The following FAM117A variants were observed in gnomAD, a reference collection of about 807,000 sequenced individuals.
FAM117A encodes the protein family with sequence similarity 117 member A, also known as protein FAM117A.
FAM117A carries 21 observed loss-of-function variants against 44.1 expected under a neutral mutation model. That is an observed-to-expected ratio of 0.48 (90% CI 0.34 to 0.69). FAM117A has a LOEUF of 0.69. Ranked by LOEUF, FAM117A falls within the 30% of genes least tolerant of loss-of-function variation. The probability of loss-of-function intolerance (pLI) is 0.01; values close to 1 mark genes in which losing one functional copy is unlikely to be tolerated. For synonymous variants in FAM117A, 220 were observed against 238.3 expected (o/e 0.92, Z 0.71); for missense variants, 498 against 589.9 (o/e 0.84, Z 1.61).
rs184386540 is a variant in FAM117A, at chr17:49,786,938, G to A, written c.-621+1559C>T. On this transcript the variant is annotated intron_variant, in intron 1 of 7. Coordinates refer to the FAM117A transcript ENST00000513602. ...GTCTCTACAAAAAATACAAAAATTA[G>A]CCAGGTGTGGTGGCACACGCCTGCA... 1.9e-3 allele frequency among the ~76,000 whole-genome samples: 289 copies of A among 152,022 alleles called. 2 individuals are homozygous for A. Among genetic ancestry groups the A allele is most frequent in the African/African-American group, 6.8e-3 (281 of 41,464 alleles).
rs550620629 is a variant in FAM117A, at chr17:49,723,459, G to A, written c.367-865C>T. ...TGTTGGCTCTAAGCATGAAGCCAAA[G>A]AGGCCCAGAACCCTCCCCACCACCA... On this transcript the variant is annotated intron_variant, in intron 2 of 7. Coordinates refer to ENST00000240364, the MANE Select transcript of FAM117A (RefSeq NM_030802.4). Among the ~76,000 whole-genome samples, 3 of 152,330 alleles carry A rather than the reference G, an allele frequency of 2.0e-5. No homozygotes were observed. In the South Asian group the frequency reaches 6.2e-4, roughly 32 times the overall value.
intron 1 of FAM117A, among the ~76,000 whole-genome samples, chr17:49,750,976 A>AT (rs1327047412): frequency 1.3e-5 from 2 of 152,100 alleles, no homozygotes; most frequent in East Asian, 3.9e-4. Context: ...AAGTTGGGAA[A>AT]TAAGTAGGAA....
intron 1 of FAM117A, among the ~76,000 whole-genome samples, chr17:49,743,860 G>A (rs151183181): frequency 6.6e-6 from 1 of 152,264 alleles, no homozygotes; most frequent in East Asian, 1.9e-4. Context: ...GAGCCCGAGA[G>A]GTTGAGGCTG....
intron 2 of FAM117A, among the ~76,000 whole-genome samples, chr17:49,724,822 G>GAAAAAAAAAAAAAAAAAA (rs906558600): frequency 2.3e-5 from 1 of 43,588 alleles, no homozygotes; most frequent in Non-Finnish European, 5.5e-5. Flanking sequence ...ACAGTCTCAA[G>GAAAAAAAAAAAAAAAAAA]AAAAAAAAAA....
chr17:49,730,056 C>G (rs947065397), intron 2 of FAM117A, among the ~76,000 whole-genome samples: 1 of 152,104 alleles, frequency 6.6e-6, no homozygotes, highest in Admixed American at 6.6e-5. Flanking sequence ...GGACCAGGCC[C>G]GGGGGCTTAA....
At chr17:49,720,184 A>G in intron 4 of FAM117A, 142 bp downstream of exon 4, 1 of 720,094 alleles carries the variant, frequency 1.4e-6, no homozygotes, top group Non-Finnish European at 2.3e-6. Context: ...TCACACAGCA[A>G]GACCAAGTTT....
At chr17:49,726,316 G>C (rs548591331) in intron 2 of FAM117A, among the ~76,000 whole-genome samples, 28 of 152,236 alleles carry the variant, frequency 1.8e-4, no homozygotes, top group Admixed American at 7.8e-4. Context: ...GGGTTCAAGC[G>C]ATTATCCTGC....
intron 1 of FAM117A, among the ~76,000 whole-genome samples, chr17:49,733,620 C>G (rs2073596568): frequency 6.6e-6 from 1 of 151,846 alleles, no homozygotes; most frequent in Non-Finnish European, 1.5e-5. Flanking sequence ...CTGCAGTGAG[C>G]CAAGATCGCA....
chr17:49,777,279 T>C (rs957378421), intron 1 of FAM117A, among the ~76,000 whole-genome samples: 1 of 151,528 alleles, frequency 6.6e-6, no homozygotes, highest in Non-Finnish European at 1.5e-5. Flanking sequence ...AGGGGAGGGG[T>C]GGGAAGCAAA....
intron 1 of FAM117A, among the ~76,000 whole-genome samples, chr17:49,739,986 A>AAAAAC (rs1187188627): frequency 5.3e-5 from 8 of 152,246 alleles, no homozygotes; most frequent in Non-Finnish European, 8.8e-5. Context: ...GGCAAATGGA[A>AAAAAC]AAAACAAAAC....
At chr17:49,746,762 G>A (rs547252283) in intron 1 of FAM117A, among the ~76,000 whole-genome samples, 18 of 152,340 alleles carry the variant, frequency 1.2e-4, no homozygotes, top group African/African-American at 4.1e-4. Context: ...GGTAAAAACA[G>A]CTAAACGGAG....
At chr17:49,736,462 G>T (rs971583575) in intron 1 of FAM117A, among the ~76,000 whole-genome samples, 1 of 151,806 alleles carries the variant, frequency 6.6e-6, no homozygotes, top group African/African-American at 2.4e-5. Flanking sequence ...TTTCACCATG[G>T]TCTCGATCTC....
At chr17:49,716,073 C>T in intron 7 of FAM117A, 92 bp downstream of exon 7, 1 of 1,419,796 alleles carries the variant, frequency 7.0e-7, no homozygotes, top group Non-Finnish European at 9.7e-7. Context: ...GTTGACAACA[C>T]CTCTATGACA....
At chr17:49,723,964 C>T (rs2073547420) in intron 2 of FAM117A, among the ~76,000 whole-genome samples, 1 of 152,280 alleles carries the variant, frequency 6.6e-6, no homozygotes, top group South Asian at 2.1e-4. Flanking sequence ...TCCAGAGATC[C>T]ATTTCCCCAC....
intron 7 of FAM117A, among the ~76,000 whole-genome samples, chr17:49,712,427 T>C (rs2073483166): frequency 6.6e-6 from 1 of 152,224 alleles, no homozygotes; most frequent in Admixed American, 6.5e-5. Context: ...TCTCTTGATA[T>C]TGCCAAATGT....
chr17:49,733,273 C>T (rs767896211), intron 1 of FAM117A, among the ~76,000 whole-genome samples: 9 of 152,208 alleles, frequency 5.9e-5, no homozygotes, highest in Non-Finnish European at 1.2e-4. Context: ...ACTGGAACTA[C>T]TTTCAATTAT....
intron 1 of FAM117A, among the ~76,000 whole-genome samples, chr17:49,781,944 C>G (rs2073790726): frequency 6.6e-6 from 1 of 151,874 alleles, no homozygotes; most frequent in Non-Finnish European, 1.5e-5. Context: ...CCACTGCACT[C>G]CAGCCTGGGT....
intron 1 of FAM117A, chr17:49,732,998 T>TTTTTTTC: frequency 2.6e-6 from 1 of 387,010 alleles, no homozygotes; most frequent in Non-Finnish European, 4.8e-6. Flanking sequence ...TTCCTGCTCC[T>TTTTTTTC]AATGGACTAT....
chr17:49,743,834 G>A (rs573225614), intron 1 of FAM117A, among the ~76,000 whole-genome samples: 5 of 152,166 alleles, frequency 3.3e-5, no homozygotes, highest in Non-Finnish European at 5.9e-5. Context: ...GGAGGCTGAG[G>A]TTGAGAGGAC....
Sources: gnomAD v4.1 joint callset for allele counts (sites outside exome capture counted in the v4.1 genomes callset) on GRCh38, gnomAD v4.1.1 for gene constraint, MANE v1.5 for transcripts, NCBI Gene and HGNC (gene_info 2026-07-23, HGNC 2026-07-21) for gene names.